PCBP3: variants seen among roughly 807,000 people sequenced by gnomAD.
PCBP3 encodes the protein poly(rC) binding protein 3.
In PCBP3, 25 loss-of-function variants were observed where a neutral mutation model predicts 52.7. The ratio of observed to expected loss-of-function variants is 0.47; its 90% CI spans 0.35 to 0.66. PCBP3 has a LOEUF of 0.66. Among genes scored for constraint, PCBP3 ranks in the 30% least tolerant of loss-of-function variants. PCBP3 has a pLI of 0.01. For missense variants in PCBP3, 391 were observed against 490.3 expected, an observed-to-expected ratio of 0.80 and a Z score of 1.91; for synonymous variants, 162 against 183.0, an observed-to-expected ratio of 0.89 and a Z score of 0.93.
chr21:45,869,698 G>A (rs1456017319), intron 5 of PCBP3, among the ~76,000 whole-genome samples: 7 of 152,194 alleles, frequency 4.6e-5, no homozygotes, highest in African/African-American at 9.6e-5. Context: ...TGGAGACCTC[G>A]GTGGACAGAA....
chr21:45,918,109 C>T (rs988771031), intron 13 of PCBP3: 2 of 238,822 alleles, frequency 8.4e-6, no homozygotes, highest in Non-Finnish European at 1.7e-5. Context: ...TCCATCTACA[C>T]ACACAGATCC....
chr21:45,689,128 T>C (rs764865973), intron 2 of PCBP3, among the ~76,000 whole-genome samples: 22 of 151,822 alleles, frequency 1.4e-4, no homozygotes, highest in South Asian at 1.2e-3. Flanking sequence ...TATTCCAAGA[T>C]AAAAAACACC....
chr21:45,784,341 C>CTCTAG (rs1569217636), intron 4 of PCBP3, among the ~76,000 whole-genome samples: 4 of 105,238 alleles, frequency 3.8e-5, no homozygotes, highest in Non-Finnish European at 6.2e-5. Flanking sequence ...GACAGCTCTA[C>CTCTAG]CTCTACCTCT....
intron 13 of PCBP3, among the ~76,000 whole-genome samples, chr21:45,927,538 G>A (rs893909875): frequency 2.0e-5 from 3 of 150,794 alleles, no homozygotes; most frequent in Non-Finnish European, 3.0e-5. Context: ...AGGTGCAGTG[G>A]CCTGACTGAT....
chr21:45,923,670 G>A (rs1345354926), intron 13 of PCBP3, among the ~76,000 whole-genome samples: 2 of 152,230 alleles, frequency 1.3e-5, no homozygotes, highest in South Asian at 2.1e-4. Flanking sequence ...ACATGGAATG[G>A]AGAGAGAAAA....
At chr21:45,898,386 A>ACAGACCCCTCTGCTCGCCATCCTGACG (rs2095894683) in intron 6 of PCBP3, among the ~76,000 whole-genome samples, 4 of 63,360 alleles carry the variant, frequency 6.3e-5, no homozygotes, top group South Asian at 7.0e-4. Context: ...CCGTCCTCAC[A>ACAGACCCCTCTGCTCGCCATCCTGACG]GCCTCCCTCT....
At position 45,837,351 on chromosome 21, in the gene PCBP3, A is replaced by G. The variant is rs149528379; in HGVS notation, c.-125-12610A>G. Among the ~76,000 whole-genome samples the G allele has an allele frequency of 2.4e-3, 360 of 152,340 alleles. 2 individuals are homozygous for G. Among genetic ancestry groups the G allele is most frequent in the African/African-American group, 8.3e-3 (344 of 41,586 alleles). The stretch of plus-strand genomic sequence containing the variant: ...TGGGCAGGCATGTGCCTCCAGCGGA[A>G]ATGATGTTATGTGACATCTGTGTGC... On this transcript the variant is annotated intron_variant, in intron 4 of 17. Coordinates refer to ENST00000681687, the MANE Select transcript of PCBP3 (RefSeq NM_001384156.1). This position sits in a 1 kb window ranked among gnomAD's most constrained non-coding sequence, Gnocchi z 4.1.
In PCBP3 at chr21:45,941,739, C is replaced by G. The variant is rs77913438; in HGVS notation, c.*33C>G. 1.5e-3 allele frequency: 2,311 copies of G among 1,584,508 alleles called. 31 individuals are homozygous for G. In the African/African-American group the frequency reaches 0.026, roughly 18 times the overall value. On this transcript the variant is annotated 3_prime_UTR_variant, in exon 18 of 18. Coordinates refer to ENST00000681687, the MANE Select transcript of PCBP3 (RefSeq NM_001384156.1). The stretch of plus-strand genomic sequence containing the variant: ...CAGCACCCTTCCCCCGCGTCACCCA[C>G]CTGCCAGAGCCTAAGGCCCCCGGCT...
intron 2 of PCBP3, among the ~76,000 whole-genome samples, chr21:45,725,771 T>C (rs998696883): frequency 2.6e-5 from 4 of 151,390 alleles, no homozygotes; most frequent in African/African-American, 9.7e-5. Context: ...AGGGAGGACT[T>C]TCGGAGGAGG....
At chr21:45,677,004 T>C (rs1183795169) in intron 2 of PCBP3, among the ~76,000 whole-genome samples, 1 of 152,078 alleles carries the variant, frequency 6.6e-6, no homozygotes, top group African/African-American at 2.4e-5. Flanking sequence ...AACTCTTGGC[T>C]TCAAGTGATC....
intron 2 of PCBP3, among the ~76,000 whole-genome samples, chr21:45,733,678 G>A (rs1041099844): frequency 5.2e-4 from 79 of 152,184 alleles, no homozygotes; most frequent in African/African-American, 1.7e-3. Context: ...TTGGCTCACT[G>A]AAGCCTCTAC....
At chr21:45,875,563 C>T (rs1258595828) in intron 5 of PCBP3, among the ~76,000 whole-genome samples, 1 of 152,218 alleles carries the variant, frequency 6.6e-6, no homozygotes, top group Admixed American at 6.5e-5. Flanking sequence ...AGTGCCTCTG[C>T]TTCCCCCTGG....
At chr21:45,749,288 CAG>C (rs2087197559) in intron 3 of PCBP3, 1 of 152,090 alleles carries the variant, frequency 6.6e-6, no homozygotes, top group Non-Finnish European at 1.5e-5. Context: ...AATTACCATC[CAG>C]AGTCACGGAT....
intron 9 of PCBP3, among the ~76,000 whole-genome samples, chr21:45,906,945 C>T (rs923005718): frequency 2.0e-5 from 3 of 152,188 alleles, no homozygotes; most frequent in East Asian, 1.9e-4. Flanking sequence ...AGGAGGATGA[C>T]GTGAGACCTT....
rs1313077564 is a variant in PCBP3 at position 45,853,141 on chromosome 21, G to A, written c.10+3046G>A. On this transcript the variant is annotated intron_variant, in intron 5 of 17. Transcript: ENST00000681687. This position sits in a 1 kb window ranked among gnomAD's most constrained non-coding sequence, Gnocchi z 4.6. ...TGGCATGTCTTCTCTGGAGCCTGCT[G>A]TGACCTGGCATGCTGTCCTGCATCT... Among the ~76,000 whole-genome samples the A allele has an allele frequency of 1.3e-5, 2 of 152,218 alleles. No homozygotes were observed. Among genetic ancestry groups the A allele is most frequent in the African/African-American group, 4.8e-5 (2 of 41,450 alleles).
intron 2 of PCBP3, among the ~76,000 whole-genome samples, chr21:45,676,632 C>T (rs986291959): frequency 6.6e-6 from 1 of 152,158 alleles, no homozygotes; most frequent in African/African-American, 2.4e-5. Context: ...CCACAGCCGA[C>T]CATTCCATCT....
At chr21:45,685,915 CTTT>C (rs1168054154) in intron 2 of PCBP3, among the ~76,000 whole-genome samples, 9 of 125,420 alleles carry the variant, frequency 7.2e-5, no homozygotes, top group Admixed American at 1.7e-4. Flanking sequence ...GTAAGATGAA[CTTT>C]TTTTTTTTTT....
chr21:45,770,812 C>A (rs2089804135), intron 4 of PCBP3, among the ~76,000 whole-genome samples: 1 of 152,216 alleles, frequency 6.6e-6, no homozygotes, highest in Non-Finnish European at 1.5e-5. Flanking sequence ...GTGGCTGGGG[C>A]CAGCCTCTGC....
intron 5 of PCBP3, among the ~76,000 whole-genome samples, 164 bp from the exon 6 acceptor site, chr21:45,896,044 G>C (rs1018341917): frequency 6.6e-6 from 1 of 152,254 alleles, no homozygotes; most frequent in Non-Finnish European, 1.5e-5. Flanking sequence ...CTGAACTCCC[G>C]TGCACCCTGT....
Sources: gnomAD v4.1 joint callset for allele counts (sites outside exome capture counted in the v4.1 genomes callset) on GRCh38, gnomAD v4.1.1 for gene constraint, Gnocchi (gnomAD v3.1) non-coding constraint, MANE v1.5 for transcripts, NCBI Gene and HGNC (gene_info 2026-07-23, HGNC 2026-07-21) for gene names.